SPATA9: variants seen among roughly 807,000 people sequenced by gnomAD.
SPATA9 encodes spermatogenesis associated 9.
In SPATA9, 27 loss-of-function variants were observed where a neutral mutation model predicts 25.5. The observed-to-expected ratio is 1.06, with a 90% CI of 0.78 to 1.46. The LOEUF (loss-of-function observed/expected upper bound fraction) is 1.46. Among genes scored for constraint, SPATA9 ranks in the 40% most tolerant of loss-of-function variants. SPATA9 has a pLI of 0.00. For missense variants in SPATA9, 282 were observed against 297.5 expected (o/e 0.95, Z 0.38); for synonymous variants, 102 against 105.7 (o/e 0.97, Z 0.21).
At position 95,653,235 on chromosome 5, in the gene SPATA9, C is replaced by T. The variant is rs563539416; in HGVS notation, c.*448-26G>A. ...CTGAGGTAAGAAAATGAAAGGTTTT[C>T]ATTCATACCCACCTTCTCTTGCTGT... On this transcript the variant is annotated intron_variant and NMD_transcript_variant, in intron 8 of 8. Coordinates refer to the SPATA9 transcript ENST00000316087. The T allele has an allele frequency of 5.6e-5, 87 of 1,551,370 alleles. No homozygotes were observed. In the African/African-American group the frequency reaches 1.0e-3, roughly 19 times the overall value.
chr5:95,731,820 C>T, the SPATA9 span: 9 of 1,602,010 alleles, frequency 5.6e-6, no homozygotes, highest in Admixed American at 6.7e-5. Context: ...GCGCGCTGAC[C>T]GTGCTTCCCT....
chr5:95,731,209 C>A, the SPATA9 span: 1 of 1,001,592 alleles, frequency 1.0e-6, no homozygotes, highest in Non-Finnish European at 1.2e-6. Context: ...CCGCGGGGAG[C>A]GCGTCCCCCG....
At chr5:95,712,359 G>T in the SPATA9 span, among the ~76,000 whole-genome samples, 1 of 152,140 alleles carries the variant, frequency 6.6e-6, no homozygotes, top group African/African-American at 2.4e-5. Flanking sequence ...GAGCCATCTT[G>T]TCTCTGAGTT....
At chr5:95,730,928 G>C in the SPATA9 span, 8 of 460,468 alleles carry the variant, frequency 1.7e-5, no homozygotes, top group Non-Finnish European at 3.5e-5. Flanking sequence ...CCAAGAGGGG[G>C]GGAAATCGGG....
At chr5:95,652,955 C>T (rs1750446837), downstream of SPATA9, 2 of 930,068 alleles carry the variant, frequency 2.2e-6, no homozygotes, top group Admixed American at 3.0e-5. Context: ...GCTTTATACT[C>T]TTCAGTGGCT....
intron 1 of SPATA9, among the ~76,000 whole-genome samples, chr5:95,690,310 T>C (rs1753850140): frequency 6.6e-6 from 1 of 152,164 alleles, no homozygotes; most frequent in Non-Finnish European, 1.5e-5. Context: ...ACGGCTAGAA[T>C]CATGGCCAAC....
chr5:95,658,987 T>C (rs1335996528), intron 4 of SPATA9, 74 bp from the exon 5 acceptor site: 6 of 1,505,340 alleles, frequency 4.0e-6, no homozygotes, highest in East Asian at 4.5e-5. Flanking sequence ...ACATACAATA[T>C]AGTGTTCCAC....
the SPATA9 span, among the ~76,000 whole-genome samples, chr5:95,710,048 G>C: frequency 6.6e-6 from 1 of 152,182 alleles, no homozygotes; most frequent in Non-Finnish European, 1.5e-5. Context: ...TACCCCATCG[G>C]AGAGCCTGAG....
At chr5:95,663,262 G>T (rs1263928331) in intron 4 of SPATA9, among the ~76,000 whole-genome samples, 5 of 152,082 alleles carry the variant, frequency 3.3e-5, no homozygotes, top group Non-Finnish European at 1.5e-5. Flanking sequence ...AAACACAAAA[G>T]AATACATACT....
chr5:95,672,213 G>A lies in SPATA9; in HGVS notation c.378+3199C>T, dbSNP rs1036252805. Among the ~76,000 whole-genome samples, 3 of 152,146 alleles carry A rather than the reference G, an allele frequency of 2.0e-5. No homozygotes were observed. The East Asian group carries it at 5.8e-4, about 29-fold the overall frequency. ...AGAACTGCAATTTCAGTGAAACTGG[G>A]ACTCAAACAATTGCATCCACCAGAA... is the stretch of plus-strand genomic sequence containing the variant. On this transcript the variant is annotated intron_variant, in intron 3 of 4. Coordinates refer to ENST00000274432, the MANE Select transcript of SPATA9 (RefSeq NM_031952.4).
At chr5:95,700,351 G>A (rs1269196801), upstream of SPATA9, among the ~76,000 whole-genome samples, 2 of 151,774 alleles carry the variant, frequency 1.3e-5, no homozygotes, top group Non-Finnish European at 2.9e-5. Flanking sequence ...CCAGACTGGA[G>A]TGCAGTGATG....
chr5:95,695,574 G>A (rs1249221113), intron 1 of SPATA9, among the ~76,000 whole-genome samples: 1 of 152,278 alleles, frequency 6.6e-6, no homozygotes, highest in Non-Finnish European at 1.5e-5. Flanking sequence ...CTCCAGCCTG[G>A]GCGATAGAGT....
chr5:95,709,022 G>T, the SPATA9 span, among the ~76,000 whole-genome samples: 1 of 152,314 alleles, frequency 6.6e-6, no homozygotes, highest in East Asian at 1.9e-4. Flanking sequence ...CCTTTTTGAT[G>T]TGGGAGTGAT....
At chr5:95,675,943 TC>T (rs1752904253) in intron 2 of SPATA9, among the ~76,000 whole-genome samples, 1 of 148,488 alleles carries the variant, frequency 6.7e-6, no homozygotes, top group Non-Finnish European at 1.5e-5. Flanking sequence ...TGACTCAGCC[TC>T]CCGAGTAACT....
At chr5:95,662,177 A>C (rs1041282165) in intron 4 of SPATA9, among the ~76,000 whole-genome samples, 1 of 152,266 alleles carries the variant, frequency 6.6e-6, no homozygotes, top group East Asian at 1.9e-4. Flanking sequence ...CAATAGAAAA[A>C]GGGCTTTTTT....
chr5:95,680,583 G>A (rs1469061793), intron 2 of SPATA9, among the ~76,000 whole-genome samples: 1 of 151,990 alleles, frequency 6.6e-6, no homozygotes, highest in East Asian at 1.9e-4. Context: ...GGCATTGTCG[G>A]GGGTTCTATC....
intron 3 of SPATA9, chr5:95,670,346 G>T (rs1212333366): frequency 1.3e-5 from 2 of 152,160 alleles, no homozygotes; most frequent in Non-Finnish European, 2.9e-5. Context: ...GTTTCCAAAG[G>T]AAGTCACCTG....
chr5:95,688,565 C>T (rs77735036), intron 1 of SPATA9, among the ~76,000 whole-genome samples: 401 of 152,214 alleles, frequency 2.6e-3, no homozygotes, highest in African/African-American at 9.0e-3. Context: ...ATGCATTTTA[C>T]GCAATGTAGA....
At chr5:95,718,159 C>CT in the SPATA9 span, among the ~76,000 whole-genome samples, 253 of 151,532 alleles carry the variant, frequency 1.7e-3, 1 homozygote, top group African/African-American at 5.4e-3. Context: ...TACTTTCCCT[C>CT]TTTTTTTTTC....
Sources: gnomAD v4.1 joint callset for allele counts (sites outside exome capture counted in the v4.1 genomes callset) on GRCh38, gnomAD v4.1.1 for gene constraint, MANE v1.5 for transcripts, NCBI Gene and HGNC (gene_info 2026-07-23, HGNC 2026-07-21) for gene names.